The following HEATR5A variants were observed in gnomAD, a reference collection of about 807,000 sequenced individuals.
HEATR5A encodes HEAT repeat-containing protein 5A.
HEATR5A carries 178 observed loss-of-function variants against 218.8 expected under a neutral mutation model. That is an observed-to-expected ratio of 0.81 (90% confidence interval 0.72 to 0.92). The LOEUF is 0.92. Ranked by LOEUF, HEATR5A falls within the 40% of genes least tolerant of loss-of-function variation. HEATR5A has a pLI of 0.00. For missense variants in HEATR5A, 2,420 were observed against 2,418.9 expected (o/e 1.00, Z -0.01); for synonymous variants, 864 against 871.6 (o/e 0.99, Z 0.15).
At chr14:31,299,874 C>CAA (rs536807534) in intron 33 of HEATR5A, among the ~76,000 whole-genome samples, 1 of 128,698 alleles carries the variant, frequency 7.8e-6, no homozygotes. Context: ...ACTAAAAATA[C>CAA]AAAAAAAAAA....
At chr14:31,306,609 G>T in intron 31 of HEATR5A, 123 bp downstream of exon 31, 3 of 992,572 alleles carry the variant, frequency 3.0e-6, no homozygotes, top group Non-Finnish European at 1.4e-6. Flanking sequence ...ATAAGGCCAT[G>T]CCTAGACATG....
chr14:31,377,826 G>A (rs1902288272), intron 11 of HEATR5A, among the ~76,000 whole-genome samples: 1 of 151,860 alleles, frequency 6.6e-6, no homozygotes, highest in Non-Finnish European at 1.5e-5. Context: ...ATAATAAAGG[G>A]AAAGAATAGT....
In HEATR5A at chr14:31,313,064, CTGCATAGACTAAG is replaced by C; in HGVS notation, c.4332_4344del (p.Asp1444GlufsTer6). 1 of 1,613,956 alleles carries C rather than the reference CTGCATAGACTAAG, an allele frequency of 6.2e-7. No individual in the cohort carries two copies. The highest frequency in any genetic ancestry group is 8.5e-7 in the Non-Finnish European group (1 of 1,179,852). On this transcript the variant is annotated frameshift_variant, in exon 28 of 36. Coordinates refer to ENST00000543095, the MANE Select transcript of HEATR5A (RefSeq NM_015473.4). LOFTEE classifies it high-confidence loss of function. Reference sequence around the variant, plus strand: ...CAGAGTCTGCTTAGTGTGCCAAGATCTGCATAGACTAAGTCAAGCAGTCCATCTGATGAACATG... The same window carrying C: ...CAGAGTCTGCTTAGTGTGCCAAGATCTCAAGCAGTCCATCTGATGAACATG...
chr14:31,351,611 G>C (rs1169500938), intron 16 of HEATR5A, among the ~76,000 whole-genome samples: 3 of 152,002 alleles, frequency 2.0e-5, no homozygotes, highest in Non-Finnish European at 4.4e-5. Context: ...ATAGTCCCAA[G>C]TATATTTTCA....
At chr14:31,321,217 G>T (rs1427783324) in intron 25 of HEATR5A, among the ~76,000 whole-genome samples, 1 of 151,792 alleles carries the variant, frequency 6.6e-6, no homozygotes, top group Non-Finnish European at 1.5e-5. Context: ...GGAGTGCAGT[G>T]GCACAATCTC....
chr14:31,416,730 T>A (rs2031462649), intron 1 of HEATR5A, among the ~76,000 whole-genome samples: 1 of 152,188 alleles, frequency 6.6e-6, no homozygotes, highest in Admixed American at 6.5e-5. Context: ...ATATGTCTGA[T>A]TTCTTGTTCA....
rs1235752878 is a variant in HEATR5A, at chr14:31,293,953, T to G, written c.5771A>C (p.Glu1924Ala). ...KRKPENTAELEIFQEGIKVLE... is the reference protein window; with the variant it reads ...KRKPENTAELAIFQEGIKVLE... ...GACCTTTATGCCTTCTTGGAAGATC[T>G]CAAGCTCAGCAGTGTTTTCAGGTTT... The change falls in exon 35 of 36, where the codon GAG (glutamate) becomes GCG (alanine). Residue 1924 changes from glutamate to alanine, a missense_variant. Physicochemically the swap from Glu to Ala is moderately radical, Grantham distance 107. Coordinates refer to ENST00000543095, the MANE Select transcript of HEATR5A (RefSeq NM_015473.4). 1.2e-6 allele frequency: 2 copies of G among 1,608,276 alleles called. No homozygotes were observed. The highest frequency in any genetic ancestry group is 2.7e-5 in the African/African-American group (2 of 74,906).
intron 11 of HEATR5A, among the ~76,000 whole-genome samples, chr14:31,379,060 G>A (rs1437625687): frequency 6.7e-6 from 1 of 150,286 alleles, no homozygotes; most frequent in Non-Finnish European, 1.5e-5. Context: ...TCCTGCCTCA[G>A]CCTCCCCTGT....
chr14:31,368,839 G>C (rs1901908969), intron 13 of HEATR5A, among the ~76,000 whole-genome samples: 1 of 151,766 alleles, frequency 6.6e-6, no homozygotes, highest in Non-Finnish European at 1.5e-5. Context: ...TAGGATTACA[G>C]GCATGAGCCA....
At chr14:31,398,889 C>T in intron 3 of HEATR5A, 108 bp from the exon 4 acceptor site, 1 of 638,626 alleles carries the variant, frequency 1.6e-6, no homozygotes, top group Non-Finnish European at 2.7e-6. Context: ...ATTCTCTTGT[C>T]TTTTTACTTT....
chr14:31,340,785 TA>T (rs1418015266), intron 21 of HEATR5A, among the ~76,000 whole-genome samples: 1 of 149,012 alleles, frequency 6.7e-6, no homozygotes, highest in Non-Finnish European at 1.5e-5. Flanking sequence ...CCCAATCAAG[TA>T]GACATAAGTG....
At chr14:31,308,281 G>C (rs1196673914) in intron 29 of HEATR5A, among the ~76,000 whole-genome samples, 1 of 152,132 alleles carries the variant, frequency 6.6e-6, no homozygotes, top group Non-Finnish European at 1.5e-5. Context: ...GCCAAGGTGG[G>C]CGGATCATCT....
At chr14:31,309,537 T>C (rs755050047) in intron 28 of HEATR5A, among the ~76,000 whole-genome samples, 1 of 152,232 alleles carries the variant, frequency 6.6e-6, no homozygotes, top group African/African-American at 2.4e-5. Flanking sequence ...TGATAGGTCA[T>C]AGGGCTGATC....
intron 9 of HEATR5A, 120 bp downstream of exon 9, chr14:31,386,300 C>T (rs143919812): frequency 5.6e-6 from 4 of 710,222 alleles, no homozygotes; most frequent in Non-Finnish European, 8.7e-6. Flanking sequence ...ATAAATTTTT[C>T]ATAAAACATT....
In HEATR5A at chr14:31,293,320, CT is replaced by C. The variant is rs571547087; in HGVS notation, c.6125del (p.Lys2042ArgfsTer17). 66 of 1,587,790 alleles carry C rather than the reference CT, an allele frequency of 4.2e-5. No individual in the cohort carries two copies. In the Middle Eastern group the frequency reaches 5.1e-4, roughly 12 times the overall value. The stretch of plus-strand genomic sequence containing the variant: ...AAAAAAAAAATCAGAGGAAACTGGT[CT>C]TTAATTGGATGCTTGAGTTTTTTCC... ...SPGKNSSIQLKTSFL is the reference protein window; with the variant it reads ...SPGKNSSIQLXTSFL On this transcript the variant is annotated frameshift_variant, in exon 36 of 36. Coordinates refer to ENST00000543095, the MANE Select transcript of HEATR5A (RefSeq NM_015473.4). LOFTEE classifies it high-confidence loss of function.
In HEATR5A at chr14:31,340,651, T is replaced by A. The variant is rs552677545; in HGVS notation, c.3229-3037A>T. Among the ~76,000 whole-genome samples the A allele has an allele frequency of 6.3e-4, 96 of 152,290 alleles. 2 individuals carry two copies. Among genetic ancestry groups the A allele is most frequent in the African/African-American group, 2.3e-3 (95 of 41,564 alleles). On this transcript the variant is annotated intron_variant, in intron 21 of 35. Transcript: ENST00000543095. ...ATATTTTATTTTCCAACAAAATGAG[T>A]TGAGCCAAGTTTTTGAAAATAGTCA...
At chr14:31,377,294 T>C (rs1402560801) in intron 11 of HEATR5A, among the ~76,000 whole-genome samples, 1 of 151,892 alleles carries the variant, frequency 6.6e-6, no homozygotes, top group African/African-American at 2.4e-5. Context: ...AAAGGACAAA[T>C]GAACCAACTT....
In HEATR5A at chr14:31,350,563, A is replaced by T. The variant is rs190323070; in HGVS notation, c.2517+49T>A. 4.9e-4 allele frequency: 525 copies of T among 1,066,060 alleles called. 2 individuals are homozygous for T. The highest frequency in any genetic ancestry group is 6.4e-4 in the Non-Finnish European group (469 of 727,462). The allele number at this position is 1,066,060 out of a possible 1,614,324, so 66.0% of individuals were successfully genotyped here. ...CTCCGACAAACTTCATTGGCTACAA[A>T]TTTTTTAAAAAATGAAGCCAACATT... On this transcript the variant is annotated intron_variant, in intron 17 of 35. Coordinates refer to ENST00000543095, the MANE Select transcript of HEATR5A (RefSeq NM_015473.4).
Position 31,302,455 on chromosome 14 carries a change from C to T in HEATR5A, c.5304G>A (p.Val1768=), listed in dbSNP as rs1382060169. 1 of 1,597,786 alleles carries T rather than the reference C, an allele frequency of 6.3e-7. No individual in the cohort carries two copies. Among genetic ancestry groups the T allele is most frequent in the South Asian group, 1.1e-5 (1 of 88,164 alleles). The change falls in exon 33 of 36, where the codon GTG becomes GTA. Residue 1768 remains valine (V), a synonymous_variant. Transcript: ENST00000543095. ...LTIGVLRETA[V]KLPGGQLSST... ...AAGATAACTGGCCCCCAGGTAACTT[C>T]ACAGCAGTCTCTCTGAGGACCCCGA...
Sources: gnomAD v4.1 joint callset for allele counts (sites outside exome capture counted in the v4.1 genomes callset) on GRCh38, gnomAD v4.1.1 for gene constraint, MANE v1.5 for transcripts, NCBI Gene and HGNC (gene_info 2026-07-23, HGNC 2026-07-21) for gene names.